The following SHISA9 variants were observed in gnomAD, a reference collection of about 807,000 sequenced individuals.
SHISA9 encodes protein shisa-9.
In SHISA9, 13 loss-of-function variants were observed where a neutral mutation model predicts 38.0. The ratio of observed to expected loss-of-function variants is 0.34; its 90% CI spans 0.22 to 0.54. The LOEUF is 0.54. Ranked by LOEUF, SHISA9 falls within the 20% of genes least tolerant of loss-of-function variation. The pLI, the probability that SHISA9 is intolerant of heterozygous loss-of-function variation, is 0.91. For synonymous variants in SHISA9, 275 were observed against 242.0 expected (o/e 1.14, Z -1.27); for missense variants, 538 against 575.8 (o/e 0.93, Z 0.67).
the SHISA9 span, among the ~76,000 whole-genome samples, chr16:13,385,218 C>T: frequency 6.6e-6 from 1 of 152,220 alleles, no homozygotes; most frequent in East Asian, 1.9e-4. Flanking sequence ...TAAAATGGTA[C>T]AGCCACTCTG....
the SHISA9 span, among the ~76,000 whole-genome samples, chr16:13,306,601 C>A: frequency 1.3e-5 from 2 of 152,194 alleles, no homozygotes; most frequent in African/African-American, 4.8e-5. Context: ...AAAGGCTTGA[C>A]TGGGGCTGGA....
the SHISA9 span, among the ~76,000 whole-genome samples, chr16:13,461,289 T>C: frequency 2.0e-5 from 3 of 152,186 alleles, no homozygotes; most frequent in African/African-American, 7.2e-5. Context: ...TAAAGAGTTA[T>C]AGACTTACAG....
chr16:13,305,077 AT>A, the SHISA9 span, among the ~76,000 whole-genome samples: 1 of 152,308 alleles, frequency 6.6e-6, no homozygotes, highest in Non-Finnish European at 1.5e-5. Flanking sequence ...ATTTTAGAAT[AT>A]TTGCATATAC....
At chr16:12,962,870 C>T (rs1008519472) in intron 2 of SHISA9, among the ~76,000 whole-genome samples, 1 of 152,204 alleles carries the variant, frequency 6.6e-6, no homozygotes, top group African/African-American at 2.4e-5. Context: ...CCAGGGGTAG[C>T]TGTGTGACCA....
At chr16:13,019,026 G>T (rs1285178364) in intron 2 of SHISA9, among the ~76,000 whole-genome samples, 2 of 152,068 alleles carry the variant, frequency 1.3e-5, no homozygotes, top group African/African-American at 4.8e-5. Context: ...TTGAGACAGA[G>T]TCTTGCTCTG....
chr16:13,544,705 G>A, the SHISA9 span, among the ~76,000 whole-genome samples: 1 of 152,118 alleles, frequency 6.6e-6, no homozygotes, highest in African/African-American at 2.4e-5. Flanking sequence ...CACTTTGGGA[G>A]GCCGAGGTGG....
chr16:13,151,297 G>C (rs1338477198), intron 2 of SHISA9, among the ~76,000 whole-genome samples: 1 of 152,008 alleles, frequency 6.6e-6, no homozygotes, highest in African/African-American at 2.4e-5. Flanking sequence ...AGTAGAGATG[G>C]GGTTTCACCA....
chr16:13,412,448 A>T, the SHISA9 span, among the ~76,000 whole-genome samples: 1 of 151,818 alleles, frequency 6.6e-6, no homozygotes, highest in Non-Finnish European at 1.5e-5. Context: ...CCCCTTTCCT[A>T]CGTTCTTTCT....
chr16:12,908,406 T>G, intron 1 of SHISA9: 1 of 1,537,618 alleles, frequency 6.5e-7, no homozygotes, highest in East Asian at 2.5e-5. Flanking sequence ...AAAATCCTTG[T>G]TGGTTTTGCA....
At chr16:13,060,908 C>A (rs2073367638) in intron 2 of SHISA9, among the ~76,000 whole-genome samples, 1 of 152,182 alleles carries the variant, frequency 6.6e-6, no homozygotes, top group African/African-American at 2.4e-5. Flanking sequence ...CAAACCCTTG[C>A]TTCTTCCTAG....
At chr16:13,273,717 G>A in the SHISA9 span, among the ~76,000 whole-genome samples, 1 of 152,094 alleles carries the variant, frequency 6.6e-6, no homozygotes. Context: ...CTATTGCACA[G>A]GAAAATTATG....
At chr16:13,226,040 T>C (rs559876196) in intron 4 of SHISA9, among the ~76,000 whole-genome samples, 16 of 152,318 alleles carry the variant, frequency 1.1e-4, no homozygotes, top group African/African-American at 3.8e-4. Context: ...ATTAGGTTAA[T>C]GCATTTATTA....
intron 2 of SHISA9, among the ~76,000 whole-genome samples, chr16:12,981,193 G>A (rs1183189032): frequency 6.6e-6 from 1 of 152,244 alleles, no homozygotes; most frequent in Non-Finnish European, 1.5e-5. Flanking sequence ...AGTGAGTTCA[G>A]GGGCTAGGGG....
intron 2 of SHISA9, among the ~76,000 whole-genome samples, chr16:13,125,727 A>G (rs2050250481): frequency 6.6e-6 from 1 of 152,236 alleles, no homozygotes; most frequent in Non-Finnish European, 1.5e-5. Context: ...TCCAAACTTG[A>G]TACTTTATTC....
At chr16:13,099,177 C>A (rs984314566) in intron 2 of SHISA9, among the ~76,000 whole-genome samples, 1 of 152,162 alleles carries the variant, frequency 6.6e-6, no homozygotes, top group African/African-American at 2.4e-5. Context: ...GCTGCTACAA[C>A]AGAAGTGAGT....
chr16:13,479,160 C>G, the SHISA9 span, among the ~76,000 whole-genome samples: 1 of 152,138 alleles, frequency 6.6e-6, no homozygotes, highest in African/African-American at 2.4e-5. Context: ...TATCAGTTTC[C>G]TTTGTCTCGT....
the SHISA9 span, among the ~76,000 whole-genome samples, chr16:13,251,930 T>G: frequency 6.6e-6 from 1 of 152,164 alleles, no homozygotes; most frequent in Non-Finnish European, 1.5e-5. Context: ...GTCCACTTCC[T>G]ACTTGACCAG....
At chr16:13,299,929 T>C in the SHISA9 span, among the ~76,000 whole-genome samples, 2 of 152,114 alleles carry the variant, frequency 1.3e-5, no homozygotes, top group African/African-American at 4.8e-5. Flanking sequence ...TGACGGTGAC[T>C]GTGAGGATTC....
At chr16:13,462,190 G>C in the SHISA9 span, among the ~76,000 whole-genome samples, 2 of 151,632 alleles carry the variant, frequency 1.3e-5, no homozygotes, top group Admixed American at 1.3e-4. Context: ...AGGATTATTC[G>C]AGCCCAGGAG....
Sources: allele counts gnomAD v4.1 joint callset (sites outside exome capture counted in the v4.1 genomes callset), GRCh38; gene constraint gnomAD v4.1.1; transcripts MANE v1.5; gene names NCBI Gene and HGNC (gene_info 2026-07-23, HGNC 2026-07-21).